Variants in ADARB2 observed in about 807,000 individuals in gnomAD.
ADARB2 encodes the protein inactive double-stranded RNA-specific editase B2.
ADARB2 carries 25 observed loss-of-function variants against 62.2 expected under a neutral mutation model. The ratio of observed to expected loss-of-function variants is 0.40; its 90% CI spans 0.29 to 0.56. The LOEUF (loss-of-function observed/expected upper bound fraction) is 0.56, where lower values mean the gene tolerates loss of function less well. Among genes scored for constraint, ADARB2 ranks in the 20% least tolerant of loss-of-function variants. The probability of loss-of-function intolerance (pLI) is 0.43; values close to 1 mark genes in which losing one functional copy is unlikely to be tolerated. For synonymous variants in ADARB2, 572 were observed against 500.8 expected (o/e 1.14, Z -1.90); for missense variants, 1,071 against 1,077.4 (o/e 0.99, Z 0.08).
chr10:1,510,977 T>A (rs1231317017), intron 1 of ADARB2, among the ~76,000 whole-genome samples: 1 of 152,202 alleles, frequency 6.6e-6, no homozygotes, highest in African/African-American at 2.4e-5. Flanking sequence ...CTCAGCCTCC[T>A]GAGTAGCTGG....
chr10:1,581,538 C>T (rs1053858480), intron 1 of ADARB2, among the ~76,000 whole-genome samples: 5 of 152,248 alleles, frequency 3.3e-5, no homozygotes, highest in African/African-American at 1.2e-4. Flanking sequence ...TGAGCCTGTA[C>T]GTAAACCTGT....
intron 1 of ADARB2, among the ~76,000 whole-genome samples, chr10:1,587,921 A>G (rs1049498277): frequency 6.6e-6 from 1 of 151,868 alleles, no homozygotes; most frequent in East Asian, 1.9e-4. Flanking sequence ...TGTGCCTTTC[A>G]TCCTCTGCCA....
chr10:1,278,839 G>A (rs534223832), intron 3 of ADARB2, among the ~76,000 whole-genome samples: 3 of 151,868 alleles, frequency 2.0e-5, no homozygotes, highest in Non-Finnish European at 4.4e-5. Flanking sequence ...CCTATGCAGT[G>A]CTGCATCTGT....
At chr10:1,442,016 AC>A (rs1349058188) in intron 1 of ADARB2, among the ~76,000 whole-genome samples, 1 of 152,238 alleles carries the variant, frequency 6.6e-6, no homozygotes, top group African/African-American at 2.4e-5. Context: ...CTGATTTTTA[AC>A]CAATGCATGA....
chr10:1,669,600 ACACT>A (rs1029686605), intron 1 of ADARB2, among the ~76,000 whole-genome samples: 2 of 151,696 alleles, frequency 1.3e-5, no homozygotes, highest in Non-Finnish European at 2.9e-5. Context: ...AAACACAGAC[ACACT>A]CATACAGAGA....
chr10:1,313,398 A>G (rs1217007139), intron 3 of ADARB2, among the ~76,000 whole-genome samples: 1 of 152,212 alleles, frequency 6.6e-6, no homozygotes, highest in Non-Finnish European at 1.5e-5. Flanking sequence ...CAGAATGTTC[A>G]TGAGGCCTCA....
In ADARB2 at chr10:1,207,890, C is replaced by T. The variant is rs139793602; in HGVS notation, c.1683-7743G>A. Among the ~76,000 whole-genome samples the T allele has an allele frequency of 1.9e-3, 284 of 152,278 alleles. 2 individuals are homozygous for T. Among genetic ancestry groups the T allele is most frequent in the African/African-American group, 6.2e-3 (258 of 41,556 alleles). On this transcript the variant is annotated intron_variant, in intron 7 of 9. Coordinates refer to ENST00000381312, the MANE Select transcript of ADARB2 (RefSeq NM_018702.4). ...AGCTAAAAGCACCTCTGCAGTTTTC[C>T]TCATTCTTTTAGGAGCCTGGGGTTT...
At chr10:1,511,108 T>A (rs1187800819) in intron 1 of ADARB2, among the ~76,000 whole-genome samples, 1 of 152,124 alleles carries the variant, frequency 6.6e-6, no homozygotes, top group Non-Finnish European at 1.5e-5. Flanking sequence ...CCTCCTAAAA[T>A]GCTGGGATTA....
intron 3 of ADARB2, among the ~76,000 whole-genome samples, chr10:1,278,036 C>T (rs559906320): frequency 6.6e-6 from 1 of 152,152 alleles, no homozygotes; most frequent in African/African-American, 2.4e-5. Context: ...GTGGCATGAT[C>T]TCGGCTCACT....
At chr10:1,736,648 C>A (rs748610551) in intron 1 of ADARB2, among the ~76,000 whole-genome samples, 5 of 152,186 alleles carry the variant, frequency 3.3e-5, no homozygotes, top group Non-Finnish European at 5.9e-5. Context: ...GAGTAGCTGG[C>A]GCGAGGGCTC....
intron 1 of ADARB2, among the ~76,000 whole-genome samples, chr10:1,485,358 G>A (rs1831526588): frequency 6.6e-6 from 1 of 152,060 alleles, no homozygotes; most frequent in Non-Finnish European, 1.5e-5. Context: ...AGATGTGTAG[G>A]TAGATTTGTA....
At chr10:1,272,514 A>G (rs1831272167) in intron 3 of ADARB2, among the ~76,000 whole-genome samples, 1 of 152,252 alleles carries the variant, frequency 6.6e-6, no homozygotes, top group Non-Finnish European at 1.5e-5. Context: ...GCAGAAGTGC[A>G]GGGCCCGGCG....
intron 9 of ADARB2, 103 bp downstream of exon 9, chr10:1,184,757 TC>T (rs1564213659): frequency 7.6e-7 from 1 of 1,309,794 alleles, no homozygotes; most frequent in East Asian, 2.5e-5. Context: ...GTCGTGCATC[TC>T]CCTCCCTGCA....
At chr10:1,199,449 G>C (rs923916224) in intron 8 of ADARB2, 1 of 152,880 alleles carries the variant, frequency 6.5e-6, no homozygotes, top group Non-Finnish European at 1.5e-5. Context: ...GGGCTGTGGG[G>C]AATCCTGGTG....
intron 1 of ADARB2, among the ~76,000 whole-genome samples, chr10:1,563,626 CT>C (rs137871175): frequency 0.15 from 21,741 of 149,782 alleles, 1,682 homozygotes; most frequent in South Asian, 0.28. Context: ...TTTCATTTTA[CT>C]TTTTTTTTTA....
intron 6 of ADARB2, 121 bp downstream of exon 6, chr10:1,233,573 C>T (rs1830829883): frequency 5.6e-6 from 6 of 1,070,418 alleles, no homozygotes; most frequent in Non-Finnish European, 7.7e-6. Flanking sequence ...AATCCCCTTC[C>T]AGTACCCAAG....
At chr10:1,481,424 T>C (rs776482878) in intron 1 of ADARB2, among the ~76,000 whole-genome samples, 28 of 152,184 alleles carry the variant, frequency 1.8e-4, no homozygotes, top group Admixed American at 6.5e-5. Context: ...ACCAAAAGCA[T>C]AGGTGATGAA....
intron 1 of ADARB2, among the ~76,000 whole-genome samples, chr10:1,732,041 C>T (rs1175801411): frequency 6.6e-6 from 1 of 152,074 alleles, no homozygotes; most frequent in Non-Finnish European, 1.5e-5. Context: ...CAGAGTATTA[C>T]AATAATTTTG....
At chr10:1,353,269 T>C (rs2131845264) in intron 3 of ADARB2, among the ~76,000 whole-genome samples, 1 of 152,290 alleles carries the variant, frequency 6.6e-6, no homozygotes, top group African/African-American at 2.4e-5. Flanking sequence ...GGGCACCCTC[T>C]ACCTCTCCCC....
Sources: gnomAD v4.1 joint callset for allele counts (sites outside exome capture counted in the v4.1 genomes callset) on GRCh38, gnomAD v4.1.1 for gene constraint, MANE v1.5 for transcripts, NCBI Gene and HGNC (gene_info 2026-07-23, HGNC 2026-07-21) for gene names.